GALNT17: variants seen among roughly 807,000 people sequenced by gnomAD.
GALNT17 encodes the protein UDP-GalNAc:polypeptide N-acetylgalactosaminyltransferase-like 3.
Under a neutral mutation model 63.7 loss-of-function variants are expected in GALNT17, and 29 were observed. The observed-to-expected ratio is 0.46, with a 90% CI of 0.34 to 0.62. The LOEUF is 0.62. Ranked by LOEUF, GALNT17 falls within the 20% of genes least tolerant of loss-of-function variation. The pLI, the probability that GALNT17 is intolerant of heterozygous loss-of-function variation, is 0.01. For missense variants in GALNT17, 603 were observed against 799.6 expected (o/e 0.75, Z 2.97); for synonymous variants, 305 against 318.3 (o/e 0.96, Z 0.45).
Position 71,388,265 on chromosome 7 carries a change from G to A in GALNT17, c.453G>A (p.Leu151=), listed in dbSNP as rs1206181140. ...KCKELKYSKD[L]PQISIIFIFV... ...AGGAGCTCAAGTACTCCAAGGACCT[G>A]CCCCAGATATCCATCATATTCATCT... is the stretch of plus-strand genomic sequence containing the variant. Residue 151 remains leucine, a synonymous_variant, in exon 3 of 11, where the codon CTG becomes CTA. Coordinates refer to ENST00000333538, the MANE Select transcript of GALNT17 (RefSeq NM_022479.3). The A allele has an allele frequency of 6.2e-7, 1 of 1,613,962 alleles. No individual in the cohort carries two copies.
chr7:71,199,971 A>G lies in GALNT17; in HGVS notation c.238+66931A>G, dbSNP rs558585054. ...ATTTCTTGCTTTCTAGTGAGTTGAG[A>G]TAATAGTTAAATCCATTAGATTAAT... On this transcript the variant is annotated intron_variant, in intron 1 of 10. Coordinates refer to ENST00000333538, the MANE Select transcript of GALNT17 (RefSeq NM_022479.3). 2.0e-5 allele frequency among the ~76,000 whole-genome samples: 3 copies of G among 152,284 alleles called. No homozygotes were observed. The East Asian group carries it at 5.8e-4, about 29-fold the overall frequency.
chr7:71,504,389 CAATA>C (rs201531403), intron 5 of GALNT17, among the ~76,000 whole-genome samples: 8,525 of 150,884 alleles, frequency 0.057, 312 homozygotes, highest in East Asian at 0.22. Context: ...GACTCCGTCT[CAATA>C]AATAAATAAA....
At chr7:71,358,940 CT>C (rs1250849488) in intron 2 of GALNT17, among the ~76,000 whole-genome samples, 7 of 152,084 alleles carry the variant, frequency 4.6e-5, no homozygotes, top group Non-Finnish European at 8.8e-5. Context: ...CATCCGGCTA[CT>C]TTTTTGGAGT....
chr7:71,462,859 C>T (rs1287519217), intron 5 of GALNT17, among the ~76,000 whole-genome samples: 1 of 152,144 alleles, frequency 6.6e-6, no homozygotes, highest in African/African-American at 2.4e-5. Flanking sequence ...TGAGTTTTCC[C>T]TTTAGCTTAG....
At chr7:71,263,440 A>G (rs1433968013) in intron 1 of GALNT17, among the ~76,000 whole-genome samples, 1 of 152,194 alleles carries the variant, frequency 6.6e-6, no homozygotes, top group East Asian at 1.9e-4. Context: ...TGAGACAGTG[A>G]ATGTCTGTTG....
intron 9 of GALNT17, among the ~76,000 whole-genome samples, chr7:71,688,352 C>A (rs1425727728): frequency 6.6e-6 from 1 of 152,076 alleles, no homozygotes; most frequent in Admixed American, 6.5e-5. Context: ...CCTCCTGGGC[C>A]CTGCGTCCAT....
At chr7:71,528,905 A>T (rs947535270) in intron 5 of GALNT17, among the ~76,000 whole-genome samples, 2 of 152,072 alleles carry the variant, frequency 1.3e-5, no homozygotes, top group African/African-American at 4.8e-5. Flanking sequence ...GAGGCCGAGG[A>T]GGGAAGATCA....
intron 1 of GALNT17, among the ~76,000 whole-genome samples, chr7:71,197,883 A>C (rs1055960269): frequency 1.3e-5 from 2 of 151,910 alleles, no homozygotes; most frequent in Admixed American, 6.6e-5. Flanking sequence ...AAATTTCTTT[A>C]TTTATTGTAA....
chr7:71,695,888 G>T (rs1791533136), intron 9 of GALNT17, among the ~76,000 whole-genome samples: 1 of 152,292 alleles, frequency 6.6e-6, no homozygotes, highest in South Asian at 2.1e-4. Flanking sequence ...CCTGTCCCCT[G>T]CTGGGCTGCC....
chr7:71,498,491 G>T (rs1788131020), intron 5 of GALNT17, among the ~76,000 whole-genome samples: 1 of 152,076 alleles, frequency 6.6e-6, no homozygotes, highest in South Asian at 2.1e-4. Context: ...CAACGAAAGA[G>T]AGAAAGGGCT....
rs531031650 is a variant in GALNT17 at position 71,331,350 on chromosome 7, G to A, written c.239-4200G>A. Among the ~76,000 whole-genome samples the A allele has an allele frequency of 7.3e-4, 111 of 152,182 alleles. 1 individual carries two copies. Among genetic ancestry groups the A allele is most frequent in the African/African-American group, 2.6e-3 (107 of 41,510 alleles). On this transcript the variant is annotated intron_variant, in intron 1 of 10. Transcript: ENST00000333538. The stretch of plus-strand genomic sequence containing the variant: ...GGCTGCTGCAAGAATTCTGCAACAG[G>A]TCTCATAATCTGCCTCAGAGCCCGG...
At chr7:71,442,336 A>G (rs1388934337) in intron 5 of GALNT17, among the ~76,000 whole-genome samples, 3 of 152,058 alleles carry the variant, frequency 2.0e-5, no homozygotes, top group African/African-American at 4.8e-5. Context: ...AGCTGGGACT[A>G]CGGGCGCCCG....
intron 9 of GALNT17, among the ~76,000 whole-genome samples, chr7:71,684,588 C>T (rs1791322791): frequency 6.6e-6 from 1 of 152,172 alleles, no homozygotes. Context: ...CAATAAGACC[C>T]ATATCTGTTT....
chr7:71,362,604 A>C (rs759860463), intron 2 of GALNT17, among the ~76,000 whole-genome samples: 14 of 152,174 alleles, frequency 9.2e-5, no homozygotes, highest in Admixed American at 7.2e-4. Flanking sequence ...AAGGGAACGC[A>C]TCCCACGTGG....
chr7:71,295,530 C>G (rs1791062684), intron 1 of GALNT17, among the ~76,000 whole-genome samples: 1 of 151,040 alleles, frequency 6.6e-6, no homozygotes, highest in Admixed American at 6.6e-5. Flanking sequence ...CTCTCCCTTC[C>G]TTCCTTTCCC....
intron 5 of GALNT17, among the ~76,000 whole-genome samples, chr7:71,524,853 C>T (rs1788598059): frequency 6.6e-6 from 1 of 152,114 alleles, no homozygotes; most frequent in African/African-American, 2.4e-5. Flanking sequence ...TGTTTTTAAA[C>T]TCAGTTTTGG....
intron 1 of GALNT17, among the ~76,000 whole-genome samples, chr7:71,224,181 A>G (rs2116427783): frequency 6.6e-6 from 1 of 152,024 alleles, no homozygotes; most frequent in Non-Finnish European, 1.5e-5. Context: ...TAGCTTCCTG[A>G]GTAGGGTAGT....
intron 9 of GALNT17, among the ~76,000 whole-genome samples, chr7:71,695,187 A>G (rs1291592720): frequency 6.6e-6 from 1 of 152,180 alleles, no homozygotes; most frequent in Non-Finnish European, 1.5e-5. Flanking sequence ...CCCCACACCA[A>G]GAGAGGCCCC....
chr7:71,621,828 T>C (rs576564437), intron 6 of GALNT17, among the ~76,000 whole-genome samples: 3 of 152,328 alleles, frequency 2.0e-5, no homozygotes, highest in East Asian at 3.9e-4. Flanking sequence ...ATTGGTCACA[T>C]ACTGTGTCAC....
Sources: gnomAD v4.1 joint callset for allele counts (sites outside exome capture counted in the v4.1 genomes callset) on GRCh38, gnomAD v4.1.1 for gene constraint, MANE v1.5 for transcripts, NCBI Gene and HGNC (gene_info 2026-07-23, HGNC 2026-07-21) for gene names.